Variants in RAP1A observed in about 807,000 individuals in gnomAD.
RAP1A encodes the protein RAP1A, member of RAS oncogene family.
In RAP1A, 6 loss-of-function variants were observed where a neutral mutation model predicts 26.4. The observed-to-expected ratio is 0.23, with a 90% CI of 0.12 to 0.45. The LOEUF is 0.45. Ranked by LOEUF, RAP1A falls within the 20% of genes least tolerant of loss-of-function variation. RAP1A has a pLI of 0.99. For missense variants in RAP1A, 121 were observed against 217.2 expected (o/e 0.56, Z 2.78); for synonymous variants, 73 against 79.4 (o/e 0.92, Z 0.43).
intron 1 of RAP1A, among the ~76,000 whole-genome samples, chr1:111,681,972 A>G (rs923051916): frequency 1.3e-5 from 2 of 152,242 alleles, no homozygotes; most frequent in African/African-American, 4.8e-5. Context: ...CACAAAGGGA[A>G]GCCTATCAGA....
Position 111,703,581 on chromosome 1 carries a change from A to G in RAP1A, c.324+105A>G, listed in dbSNP as rs373242712. The G allele has an allele frequency of 1.7e-5, 19 of 1,144,796 alleles. No homozygotes were observed. In the African/African-American group the frequency reaches 2.0e-4, roughly 12 times the overall value. The allele number at this position is 1,144,796 out of a possible 1,614,324, so 70.9% of individuals were successfully genotyped here. A position where few individuals can be genotyped will look rare whatever the true frequency, so the allele number is the denominator to read the frequency against. On this transcript the variant is annotated intron_variant, in intron 5 of 7. Coordinates refer to ENST00000369709, the MANE Select transcript of RAP1A (RefSeq NM_002884.4). Reference sequence around the variant, plus strand: ...AGAGGATTTGGAAGCTATCTACCACATGCCTGAAAGAGCCCCTGTGACCAA... The same window carrying G: ...AGAGGATTTGGAAGCTATCTACCACGTGCCTGAAAGAGCCCCTGTGACCAA...
Position 111,575,239 on chromosome 1 carries a change from C to T in RAP1A, c.-28+32730C>T, listed in dbSNP as rs917883678. ...TCACGGCTCACTGCAACTTCTGCCT[C>T]CAGAGTGCAAGGGTTCAAGTGATTC... is the stretch of plus-strand genomic sequence containing the variant. On this transcript the variant is annotated intron_variant, in intron 1 of 7. Coordinates refer to the RAP1A transcript ENST00000356415. Among the ~76,000 whole-genome samples the T allele has an allele frequency of 6.6e-5, 10 of 152,122 alleles. No homozygotes were observed. In the East Asian group the frequency reaches 9.7e-4, roughly 15 times the overall value.
At chr1:111,563,706 A>G in intron 1 of RAP1A, 1 of 634,124 alleles carries the variant, frequency 1.6e-6, no homozygotes, top group South Asian at 1.9e-5. Context: ...AATACAAATT[A>G]TCTCTATTTT....
At chr1:111,563,858 C>T (rs990072453) in intron 1 of RAP1A, 78 of 1,612,964 alleles carry the variant, frequency 4.8e-5, no homozygotes, top group Non-Finnish European at 6.5e-5. Flanking sequence ...TGACTCAGGA[C>T]TCAAGCAGCC....
intron 1 of RAP1A, among the ~76,000 whole-genome samples, chr1:111,631,562 G>C (rs1659567999): frequency 6.6e-6 from 1 of 152,140 alleles, no homozygotes; most frequent in African/African-American, 2.4e-5. Context: ...TCTAATTATA[G>C]AGAATCACGT....
At chr1:111,677,646 G>A (rs1661169428) in intron 1 of RAP1A, among the ~76,000 whole-genome samples, 1 of 152,180 alleles carries the variant, frequency 6.6e-6, no homozygotes, top group Admixed American at 6.5e-5. Flanking sequence ...CTCTTCAGGT[G>A]TGCCTCTCTG....
chr1:111,696,969 A>G (rs954254922), intron 3 of RAP1A, among the ~76,000 whole-genome samples: 12 of 152,148 alleles, frequency 7.9e-5, no homozygotes, highest in African/African-American at 2.2e-4. Flanking sequence ...TTTTCTGCAT[A>G]TTTTAGTAAA....
intron 1 of RAP1A, among the ~76,000 whole-genome samples, chr1:111,620,277 A>G (rs922196291): frequency 6.6e-6 from 1 of 152,204 alleles, no homozygotes; most frequent in Non-Finnish European, 1.5e-5. Flanking sequence ...GTGTCATAGC[A>G]CAAGCCCATT....
intron 1 of RAP1A, among the ~76,000 whole-genome samples, chr1:111,649,926 C>A (rs1233124592): frequency 6.6e-6 from 1 of 152,056 alleles, no homozygotes; most frequent in African/African-American, 2.4e-5. Flanking sequence ...AAAAAAGAAT[C>A]ACCACACTGT....
At chr1:111,704,573 T>A in intron 6 of RAP1A, 87 bp downstream of exon 6, 1 of 1,332,516 alleles carries the variant, frequency 7.5e-7, no homozygotes, top group African/African-American at 1.5e-5. Context: ...AAAATTTTTA[T>A]CTTTTAAGCA....
At chr1:111,680,945 A>G (rs1661273924) in intron 1 of RAP1A, among the ~76,000 whole-genome samples, 2 of 152,242 alleles carry the variant, frequency 1.3e-5, no homozygotes, top group South Asian at 4.1e-4. Flanking sequence ...AGGAAAAACC[A>G]GCACAAAAAT....
Position 111,697,574 on chromosome 1 carries a change from A to G in RAP1A, c.183+77A>G, listed in dbSNP as rs890000052. 4 of 1,583,096 alleles carry G rather than the reference A, an allele frequency of 2.5e-6. No homozygotes were observed. In the Admixed American group the frequency reaches 5.8e-5, roughly 23 times the overall value. On this transcript the variant is annotated intron_variant, in intron 4 of 7. Transcript: ENST00000369709. ...GTCATCTGAGTAGGTTTTGTCATCCAGATAATTCTGAGTAAAAGTAATCAT... is the reference window on the plus strand; with the variant it reads ...GTCATCTGAGTAGGTTTTGTCATCCGGATAATTCTGAGTAAAAGTAATCAT...
At chr1:111,639,302 A>G (rs1380610213) in intron 1 of RAP1A, among the ~76,000 whole-genome samples, 1 of 152,142 alleles carries the variant, frequency 6.6e-6, no homozygotes, top group Non-Finnish European at 1.5e-5. Flanking sequence ...ATGTTATAGT[A>G]GGTAACACTT....
intron 1 of RAP1A, among the ~76,000 whole-genome samples, chr1:111,663,115 T>C (rs770193670): frequency 1.3e-5 from 2 of 152,202 alleles, no homozygotes; most frequent in Non-Finnish European, 2.9e-5. Context: ...GGTTTCACCA[T>C]GTTGGCCAGG....
At chr1:111,590,101 A>G (rs1658443415) in intron 1 of RAP1A, among the ~76,000 whole-genome samples, 1 of 151,934 alleles carries the variant, frequency 6.6e-6, no homozygotes, top group South Asian at 2.1e-4. Context: ...GTTTTTTCTT[A>G]CATTGGGACA....
intron 1 of RAP1A, among the ~76,000 whole-genome samples, chr1:111,564,549 G>A (rs932723450): frequency 7.5e-6 from 1 of 133,034 alleles, no homozygotes; most frequent in Non-Finnish European, 1.6e-5. Context: ...GTCTCACTCT[G>A]TTGCCCAGGC....
At chr1:111,564,933 A>T (rs1040168878) in intron 1 of RAP1A, among the ~76,000 whole-genome samples, 6 of 152,208 alleles carry the variant, frequency 3.9e-5, no homozygotes, top group Non-Finnish European at 8.8e-5. Context: ...CAGACTAACT[A>T]AATAATTAAC....
chr1:111,608,501 C>T (rs112207725), intron 1 of RAP1A: 21,238 of 166,340 alleles, frequency 0.13, 1,561 homozygotes, highest in South Asian at 0.17. Flanking sequence ...GACGGGGTGG[C>T]GGCCGGGCAG....
intron 1 of RAP1A, among the ~76,000 whole-genome samples, chr1:111,571,455 G>A (rs944878177): frequency 6.6e-6 from 1 of 152,168 alleles, no homozygotes; most frequent in Non-Finnish European, 1.5e-5. Flanking sequence ...ATATCTAGGC[G>A]CTCCAACCTG....
Sources: gnomAD v4.1 joint callset for allele counts (sites outside exome capture counted in the v4.1 genomes callset) on GRCh38, gnomAD v4.1.1 for gene constraint, MANE v1.5 for transcripts, NCBI Gene and HGNC (gene_info 2026-07-23, HGNC 2026-07-21) for gene names.